TFAP2A: variants seen among roughly 807,000 people sequenced by gnomAD.
The protein encoded by TFAP2A is transcription factor AP-2 alpha.
In TFAP2A, 7 loss-of-function variants were observed where a neutral mutation model predicts 41.5. The ratio of observed to expected loss-of-function variants is 0.17; its 90% confidence interval spans 0.10 to 0.32. TFAP2A has a LOEUF of 0.32. TFAP2A is among the 10% of genes least tolerant of loss of function. The pLI, the probability that TFAP2A is intolerant of heterozygous loss-of-function variation, is 1.00. For missense variants in TFAP2A, 416 were observed against 563.3 expected, an observed-to-expected ratio of 0.74 and a Z score of 2.65; for synonymous variants, 247 against 242.8, an observed-to-expected ratio of 1.02 and a Z score of -0.16.
At chr6:10,409,183 C>T (rs974490949) in intron 2 of TFAP2A, 3 of 152,180 alleles carry the variant, frequency 2.0e-5, no homozygotes, top group Non-Finnish European at 4.4e-5. Context: ...TTTTAAACTG[C>T]ATTTATTGAT....
chr6:10,406,763 A>T lies in TFAP2A; in HGVS notation c.538+30T>A, dbSNP rs762612619. 13 of 1,587,588 alleles carry T rather than the reference A, an allele frequency of 8.2e-6. No individual in the cohort carries two copies. The African/African-American group carries it at 1.7e-4, about 21-fold the overall frequency. On this transcript the variant is annotated intron_variant, in intron 3 of 6. Coordinates refer to ENST00000379613, the MANE Select transcript of TFAP2A (RefSeq NM_001372066.1). ...TAAATAGCACTCTGCCTGTAAGGAC[A>T]TGCTTGGAATGCAGAAGGAAATGGC...
intron 1 of TFAP2A, among the ~76,000 whole-genome samples, chr6:10,411,216 T>C (rs979332059): frequency 1.3e-5 from 2 of 152,180 alleles, no homozygotes; most frequent in Non-Finnish European, 2.9e-5. Flanking sequence ...CACACCGCGC[T>C]GCACTTTTCC....
upstream of TFAP2A, chr6:10,416,174 T>C (rs750597306): frequency 2.6e-5 from 4 of 152,228 alleles, no homozygotes; most frequent in Non-Finnish European, 4.4e-5. Flanking sequence ...AACCGACTTT[T>C]AGCTGTGTTA....
At chr6:10,418,894 T>C (rs1758334375), upstream of TFAP2A, among the ~76,000 whole-genome samples, 3 of 151,954 alleles carry the variant, frequency 2.0e-5, no homozygotes, top group Non-Finnish European at 4.4e-5. Context: ...TGGACCCCTT[T>C]CCATTCTTCA....
chr6:10,397,831 A>G lies in TFAP2A; in HGVS notation c.*586T>C, dbSNP rs1287106589. The G allele has an allele frequency of 2.6e-5, 26 of 986,552 alleles. No homozygotes were observed. Among genetic ancestry groups the G allele is most frequent in the African/African-American group, 7.0e-5 (4 of 57,166 alleles). 61.1% of individuals were successfully genotyped at this position (986,552 alleles called of 1,614,324 possible). ...ACCTTAAAGAGGAAAAACTTCTACA[A>G]CTGAAGACATGACATGGAACTTCGT... is the stretch of plus-strand genomic sequence containing the variant. On this transcript the variant is annotated 3_prime_UTR_variant, in exon 7 of 7. Coordinates refer to ENST00000379613, the MANE Select transcript of TFAP2A (RefSeq NM_001372066.1).
chr6:10,415,344 C>T (rs1758203572), upstream of TFAP2A: 3 of 1,176,728 alleles, frequency 2.5e-6, no homozygotes. Flanking sequence ...CAATTGCTCG[C>T]CAGTACCACA....
Position 10,402,627 on chromosome 6 carries a change from T to C in TFAP2A, c.771-17A>G. The C allele has an allele frequency of 4.5e-6, 7 of 1,561,686 alleles. No homozygotes were observed. Among genetic ancestry groups the C allele is most frequent in the Non-Finnish European group, 6.2e-6 (7 of 1,133,062 alleles). The stretch of plus-strand genomic sequence containing the variant: ...GACTTCGCCCTGTTTCACAAATATA[T>C]GCGAGAAAGGGATTTAGAAAACATT... On this transcript the variant is annotated splice_polypyrimidine_tract_variant and intron_variant, in intron 4 of 6. Coordinates refer to ENST00000379613, the MANE Select transcript of TFAP2A (RefSeq NM_001372066.1).
intron 6 of TFAP2A, among the ~76,000 whole-genome samples, chr6:10,399,082 G>C (rs150296114): frequency 3.3e-5 from 5 of 152,180 alleles, no homozygotes; most frequent in Non-Finnish European, 7.3e-5. Flanking sequence ...AGCATCTTGC[G>C]AACATTATGC....
intron 5 of TFAP2A, among the ~76,000 whole-genome samples, chr6:10,401,525 A>T (rs1003565496): frequency 1.3e-5 from 2 of 152,236 alleles, no homozygotes; most frequent in South Asian, 4.1e-4. Flanking sequence ...ATATGGTTTT[A>T]AACATTTTAA....
intron 1 of TFAP2A, chr6:10,412,172 G>C: frequency 8.1e-6 from 8 of 988,224 alleles, no homozygotes; most frequent in Non-Finnish European, 9.6e-6. Context: ...AAATCGGAGT[G>C]GGGAGAGGGA....
At position 10,404,911 on chromosome 6, in the gene TFAP2A, C is replaced by T. The variant is rs1476278924; in HGVS notation, c.539-172G>A. The T allele has an allele frequency of 6.1e-6, 4 of 652,706 alleles. No homozygotes were observed. The East Asian group carries it at 8.2e-5, about 13-fold the overall frequency. 40.4% of individuals were successfully genotyped at this position (652,706 alleles called of 1,614,324 possible). On this transcript the variant is annotated intron_variant, in intron 3 of 6. Transcript: ENST00000379613. ...CTCTGCTACTTCCCTTCCTCGGGCT[C>T]GAGCCCTTCCCTACCTCACCCGGCG...
intron 5 of TFAP2A, among the ~76,000 whole-genome samples, chr6:10,401,795 G>A (rs1762017807): frequency 6.6e-6 from 1 of 152,166 alleles, no homozygotes; most frequent in African/African-American, 2.4e-5. Flanking sequence ...TTAATCTAGA[G>A]GCAGCAGGAA....
chr6:10,414,905 T>G, intron 1 of TFAP2A, 36 bp downstream of exon 1: 2 of 1,613,012 alleles, frequency 1.2e-6, no homozygotes, highest in Non-Finnish European at 1.7e-6. Flanking sequence ...TCGGAGCCTG[T>G]GACCGCACGG....
chr6:10,406,822 T>G lies in TFAP2A; in HGVS notation c.509A>C (p.Asn170Thr). The change falls in exon 3 of 7, where the codon AAC becomes ACC. Residue 170 changes from asparagine (N) to threonine (T), a missense_variant. Physicochemically the swap from Asn to Thr is moderately conservative, Grantham distance 65. Around this residue, in one of 3 missense-constraint regions of TFAP2A, gnomAD observed 241 missense variants for 274.1 expected, o/e 0.88. Transcript: ENST00000379613. ...CTTAATTACAGTTTGATCTGGGATG[T>G]TAATACCCGGGTCTTCTACATGCTG... ...EVPHVEDPGI[N>T]IPDQTVIKKG... 1 of 1,613,708 alleles carries G rather than the reference T, an allele frequency of 6.2e-7. No homozygotes were observed. The highest frequency in any genetic ancestry group is 8.5e-7 in the Non-Finnish European group (1 of 1,179,596).
At position 10,397,488 on chromosome 6, in the gene TFAP2A, T is replaced by C. The variant is rs1455856393; in HGVS notation, c.*929A>G. 6.6e-6 allele frequency: 1 copy of C among 152,064 alleles called. No individual in the cohort carries two copies. Among genetic ancestry groups the C allele is most frequent in the Non-Finnish European group, 1.5e-5 (1 of 68,008 alleles). The allele number at this position is 152,064 out of a possible 1,614,324, so 9.4% of individuals were successfully genotyped here. A position where few individuals can be genotyped will look rare whatever the true frequency, so the allele number is the denominator to read the frequency against. On this transcript the variant is annotated 3_prime_UTR_variant, in exon 7 of 7. Transcript: ENST00000379613. ...AAAATTTTATTTTACTTTTTAAAAA[T>C]TTGTCCAGCTGTTTGTCACCTTTAA...
upstream of TFAP2A, among the ~76,000 whole-genome samples, chr6:10,418,897 A>G (rs1299862813): frequency 6.6e-6 from 1 of 151,964 alleles, no homozygotes; most frequent in African/African-American, 2.4e-5. Flanking sequence ...ACCCCTTTCC[A>G]TTCTTCACAC....
chr6:10,401,504 C>T (rs769616605), intron 5 of TFAP2A, among the ~76,000 whole-genome samples: 4 of 152,142 alleles, frequency 2.6e-5, no homozygotes, highest in Non-Finnish European at 5.9e-5. Flanking sequence ...TCATAGGATT[C>T]CTCCTCAAAT....
rs1761896497 is a variant in TFAP2A at position 10,398,818 on chromosome 6, C to T, written c.1032-113G>A. On this transcript the variant is annotated intron_variant, in intron 6 of 6. Transcript: ENST00000379613. The surrounding 1 kb of genome is among the most constrained non-coding windows in gnomAD (Gnocchi z 5.3). ...TACCTCTGCCGGGATCCAGCCGGTACCTGACATGACCCAAGACCCCAGAGA... is the reference window on the plus strand; with the variant it reads ...TACCTCTGCCGGGATCCAGCCGGTATCTGACATGACCCAAGACCCCAGAGA... The T allele has an allele frequency of 9.4e-6, 12 of 1,273,334 alleles. No homozygotes were observed. The highest frequency in any genetic ancestry group is 1.3e-5 in the Non-Finnish European group (12 of 921,474). The allele number at this position is 1,273,334 out of a possible 1,614,324, so 78.9% of individuals were successfully genotyped here. A position where few individuals can be genotyped will look rare whatever the true frequency, so the allele number is the denominator to read the frequency against.
intron 3 of TFAP2A, 91 bp downstream of exon 3, chr6:10,406,702 A>G: frequency 6.1e-6 from 7 of 1,152,330 alleles, no homozygotes; most frequent in East Asian, 2.3e-5. Flanking sequence ...AGGAAATCCT[A>G]TTTGGAAAAA....
Sources: allele counts gnomAD v4.1 joint callset (sites outside exome capture counted in the v4.1 genomes callset), GRCh38; gene constraint gnomAD v4.1.1; regional missense constraint gnomAD v4.1.1; non-coding constraint Gnocchi (gnomAD v3.1); transcripts MANE v1.5; gene names NCBI Gene and HGNC (gene_info 2026-07-23, HGNC 2026-07-21).